GREM1: variants seen among roughly 807,000 people sequenced by gnomAD.
GREM1 encodes the protein gremlin 1, DAN family BMP antagonist.
A neutral mutation model predicts 13.1 loss-of-function variants in GREM1; 6 were observed. The ratio of observed to expected loss-of-function variants is 0.46; its 90% CI spans 0.25 to 0.91. The LOEUF is 0.91. Ranked by LOEUF, GREM1 falls within the 40% of genes least tolerant of loss-of-function variation. The pLI, the probability that GREM1 is intolerant of heterozygous loss-of-function variation, is 0.18. For synonymous variants in GREM1, 98 were observed against 93.7 expected, an observed-to-expected ratio of 1.05 and a Z score of -0.27; for missense variants, 185 against 233.9, an observed-to-expected ratio of 0.79 and a Z score of 1.36.
rs537438310 is a variant in GREM1, at chr15:32,736,156, T to C, written c.*4911T>C. 6.6e-6 allele frequency: 1 copy of C among 152,162 alleles called. No homozygotes were observed. Among genetic ancestry groups the C allele is most frequent in the Non-Finnish European group, 1.5e-5 (1 of 68,036 alleles). 9.4% of individuals were successfully genotyped at this position (152,162 alleles called of 1,614,324 possible). A position where few individuals can be genotyped will look rare whatever the true frequency, so the allele number is the denominator to read the frequency against. ...GACAATTGTCACTATTTGACCTGTTTGGCAGGCCCTGGAAGCTCCACTTGC... is the reference window on the plus strand; with the variant it reads ...GACAATTGTCACTATTTGACCTGTTCGGCAGGCCCTGGAAGCTCCACTTGC... On this transcript the variant is annotated 3_prime_UTR_variant, in exon 2 of 2. Transcript: ENST00000651154.
rs1299386337 is a variant in GREM1 at position 32,733,806 on chromosome 15, T to C, written c.*2561T>C. ...TTAAAATAATGCCAAACACCAAATA[T>C]GAATTTTATGATGTACACTTTGTGC... is the stretch of plus-strand genomic sequence containing the variant. On this transcript the variant is annotated 3_prime_UTR_variant, in exon 2 of 2. Coordinates refer to ENST00000651154, the MANE Select transcript of GREM1 (RefSeq NM_013372.7). The C allele has an allele frequency of 8.4e-6, 2 of 238,220 alleles. No individual in the cohort carries two copies. Among genetic ancestry groups the C allele is most frequent in the Non-Finnish European group, 1.8e-5 (2 of 112,136 alleles). 14.8% of individuals were successfully genotyped at this position (238,220 alleles called of 1,614,324 possible).
chr15:32,718,557 C>A (rs749759589), intron 1 of GREM1: 1 of 438,554 alleles, frequency 2.3e-6, no homozygotes, highest in South Asian at 1.6e-5. Context: ...GCTAGTCGGC[C>A]GCTGACTGCG....
At chr15:32,722,275 A>G (rs2055420832) in intron 1 of GREM1, among the ~76,000 whole-genome samples, 1 of 152,252 alleles carries the variant, frequency 6.6e-6, no homozygotes, top group Non-Finnish European at 1.5e-5. Flanking sequence ...GAGCATTTGT[A>G]GTCACTTCCA....
intron 1 of GREM1, among the ~76,000 whole-genome samples, chr15:32,729,500 TTGTAGAAG>T (rs1395476562): frequency 1.3e-5 from 2 of 152,218 alleles, no homozygotes; most frequent in African/African-American, 4.8e-5. Flanking sequence ...AACATTCAAC[TTGTAGAAG>T]AGTTCCCCTT....
intron 1 of GREM1, among the ~76,000 whole-genome samples, chr15:32,724,695 T>G (rs1376349247): frequency 3.9e-5 from 6 of 152,098 alleles, no homozygotes; most frequent in Admixed American, 2.6e-4. Flanking sequence ...ATGTGCAGGT[T>G]TGTTACATAG....
At position 32,731,362 on chromosome 15, in the gene GREM1, C is replaced by A; in HGVS notation, c.*117C>A. ...AGAGGCCAGAAGAACCCCCAGCTGC[C>A]TCCTGGCAGGAGCCTGCTTGTGCGT... On this transcript the variant is annotated 3_prime_UTR_variant, in exon 2 of 2. Coordinates refer to ENST00000651154, the MANE Select transcript of GREM1 (RefSeq NM_013372.7). 1 of 770,210 alleles carries A rather than the reference C, an allele frequency of 1.3e-6. No homozygotes were observed. Among genetic ancestry groups the A allele is most frequent in the South Asian group, 1.8e-5 (1 of 54,716 alleles). The allele number at this position is 770,210 out of a possible 1,614,324, so 47.7% of individuals were successfully genotyped here.
At position 32,733,012 on chromosome 15, in the gene GREM1, C is replaced by A; in HGVS notation, c.*1767C>A. The A allele has an allele frequency of 4.4e-6, 1 of 226,296 alleles. No individual in the cohort carries two copies. Among genetic ancestry groups the A allele is most frequent in the Non-Finnish European group, 9.6e-6 (1 of 104,282 alleles). 14.0% of individuals were successfully genotyped at this position (226,296 alleles called of 1,614,324 possible). A position where few individuals can be genotyped will look rare whatever the true frequency, so the allele number is the denominator to read the frequency against. Reference sequence around the variant, plus strand: ...GCAACTCGAGAAGCTGTTTTTATTTCGTTTTTGTTTTGATCCAGTGCTCTC... The same window carrying A: ...GCAACTCGAGAAGCTGTTTTTATTTAGTTTTTGTTTTGATCCAGTGCTCTC... On this transcript the variant is annotated 3_prime_UTR_variant, in exon 2 of 2. Transcript: ENST00000651154.
At chr15:32,728,548 G>A (rs1483869320) in intron 1 of GREM1, among the ~76,000 whole-genome samples, 1 of 152,128 alleles carries the variant, frequency 6.6e-6, no homozygotes, top group Non-Finnish European at 1.5e-5. Context: ...GAGTTGAATG[G>A]TGTTTACTTA....
rs2055686332 is a variant in GREM1, at chr15:32,735,572, A to G, written c.*4327A>G. ...GCCACCCTGAGATTATAGCTGCATC[A>G]TCAGGAACCCAAGATCTGAAGCATT... On this transcript the variant is annotated 3_prime_UTR_variant, in exon 2 of 2. Coordinates refer to ENST00000651154, the MANE Select transcript of GREM1 (RefSeq NM_013372.7). 1 of 152,200 alleles carries G rather than the reference A, an allele frequency of 6.6e-6. No individual in the cohort carries two copies. The highest frequency in any genetic ancestry group is 1.5e-5 in the Non-Finnish European group (1 of 68,026). The allele number at this position is 152,200 out of a possible 1,614,324, so 9.4% of individuals were successfully genotyped here. A position where few individuals can be genotyped will look rare whatever the true frequency, so the allele number is the denominator to read the frequency against.
rs767985360 is a variant in GREM1, at chr15:32,731,241, A to G, written c.551A>G (p.Asp184Gly). 19 of 1,610,778 alleles carry G rather than the reference A, an allele frequency of 1.2e-5. No homozygotes were observed. Among genetic ancestry groups the G allele is most frequent in the Non-Finnish European group, 1.5e-5 (18 of 1,177,588 alleles). Residue 184 changes from aspartate (D) to glycine (G), a missense_variant, in exon 2 of 2, where the codon GAT becomes GGT. By Grantham distance (94) the Asp-to-Gly change is moderately conservative. Coordinates refer to ENST00000651154, the MANE Select transcript of GREM1 (RefSeq NM_013372.7). ...KQCRCISIDL[D>G] Reference sequence around the variant, plus strand: ...TGTCGTTGCATATCCATCGATTTGGATTAAGCCAAATCCAGGTGCACCCAG... The same window carrying G: ...TGTCGTTGCATATCCATCGATTTGGGTTAAGCCAAATCCAGGTGCACCCAG...
In GREM1 at chr15:32,732,712, GGT is replaced by G. The variant is rs2055642856; in HGVS notation, c.*1468_*1469del. 1 of 236,784 alleles carries G rather than the reference GGT, an allele frequency of 4.2e-6. No individual in the cohort carries two copies. Among genetic ancestry groups the G allele is most frequent in the African/African-American group, 2.2e-5 (1 of 44,744 alleles). 14.7% of individuals were successfully genotyped at this position (236,784 alleles called of 1,614,324 possible). ...CTATTGTAACTATTCAGTATTTACT[GGT>G]AGGCACTGTCCTCTGATTAAACTTG... is the stretch of plus-strand genomic sequence containing the variant. On this transcript the variant is annotated 3_prime_UTR_variant, in exon 2 of 2. Transcript: ENST00000651154.
rs987720498 is a variant in GREM1 at position 32,740,897 on chromosome 15, T to C, written c.*9652T>C. ...TCAAGTTCATTTCTAAAATCAATCA[T>C]GGTGGCCAAACGGAATGAGCATTCT... On this transcript the variant is annotated 3_prime_UTR_variant, in exon 2 of 2. Transcript: ENST00000651154. The C allele has an allele frequency of 1.3e-5, 2 of 152,148 alleles. No individual in the cohort carries two copies. The highest frequency in any genetic ancestry group is 4.8e-5 in the African/African-American group (2 of 41,426). The allele number at this position is 152,148 out of a possible 1,614,324, so 9.4% of individuals were successfully genotyped here.
In GREM1 at chr15:32,734,991, G is replaced by T. The variant is rs184084480; in HGVS notation, c.*3746G>T. On this transcript the variant is annotated 3_prime_UTR_variant, in exon 2 of 2. Transcript: ENST00000651154. Reference sequence around the variant, plus strand: ...GAAATGATAATATCTTCATTTCAGGGTGTTCCAGGGGAAAAGCAGGAGAAA... The same window carrying T: ...GAAATGATAATATCTTCATTTCAGGTTGTTCCAGGGGAAAAGCAGGAGAAA... 401 of 153,226 alleles carry T rather than the reference G, an allele frequency of 2.6e-3. No homozygotes were observed. The highest frequency in any genetic ancestry group is 4.6e-3 in the Non-Finnish European group (316 of 68,560). The allele number at this position is 153,226 out of a possible 1,614,324, so 9.5% of individuals were successfully genotyped here.
Position 32,737,885 on chromosome 15 carries a change from GC to G in GREM1, c.*6642del, listed in dbSNP as rs1448605128. 1 of 127,050 alleles carries G rather than the reference GC, an allele frequency of 7.9e-6. No homozygotes were observed. The highest frequency in any genetic ancestry group is 1.6e-5 in the Non-Finnish European group (1 of 63,622). The allele number at this position is 127,050 out of a possible 1,614,324, so 7.9% of individuals were successfully genotyped here. A position where few individuals can be genotyped will look rare whatever the true frequency, so the allele number is the denominator to read the frequency against. ...GGAGGTTCTGGTGAGCCGAGATCAC[GC>G]CATTGTACTCCAGCCTGGGCAACAA... On this transcript the variant is annotated 3_prime_UTR_variant, in exon 2 of 2. Transcript: ENST00000651154.
chr15:32,729,712 A>T (rs1009821788), intron 1 of GREM1, among the ~76,000 whole-genome samples: 6 of 152,180 alleles, frequency 3.9e-5, no homozygotes, highest in African/African-American at 1.4e-4. Context: ...CAGCATGCCC[A>T]TGCCATTTAT....
intron 1 of GREM1, among the ~76,000 whole-genome samples, chr15:32,727,677 A>G (rs937587441): frequency 2.0e-5 from 3 of 152,174 alleles, no homozygotes; most frequent in African/African-American, 7.2e-5. Flanking sequence ...AGGGTATTCA[A>G]ATAGGAAGAG....
At position 32,737,566 on chromosome 15, in the gene GREM1, A is replaced by G. The variant is rs2055710371; in HGVS notation, c.*6321A>G. ...TTGGCAAAATTCAACACCCCTTTGT[A>G]ATAAAATCACTCAACACACTAGGAA... On this transcript the variant is annotated 3_prime_UTR_variant, in exon 2 of 2. Transcript: ENST00000651154. 1.3e-5 allele frequency: 2 copies of G among 152,174 alleles called. No individual in the cohort carries two copies. The highest frequency in any genetic ancestry group is 4.1e-4 in the South Asian group (2 of 4,830). 9.4% of individuals were successfully genotyped at this position (152,174 alleles called of 1,614,324 possible).
At chr15:32,718,591 C>A in intron 1 of GREM1, 1 of 400,790 alleles carries the variant, frequency 2.5e-6, no homozygotes, top group Admixed American at 3.0e-5. Flanking sequence ...TGAGAGGGTC[C>A]CATGTGCTTG....
At chr15:32,724,587 A>G (rs1250275982) in intron 1 of GREM1, among the ~76,000 whole-genome samples, 1 of 152,190 alleles carries the variant, frequency 6.6e-6, no homozygotes, top group Non-Finnish European at 1.5e-5. Flanking sequence ...GTCTCTGGAA[A>G]AATTCAGTCC....
Sources: allele counts gnomAD v4.1 joint callset (sites outside exome capture counted in the v4.1 genomes callset), GRCh38; gene constraint gnomAD v4.1.1; transcripts MANE v1.5; gene names NCBI Gene and HGNC (gene_info 2026-07-23, HGNC 2026-07-21).